The following SPOP variants were observed in gnomAD, a reference collection of about 807,000 sequenced individuals.
The protein encoded by SPOP is speckle type BTB/POZ protein.
Under a neutral mutation model 45.6 loss-of-function variants are expected in SPOP, and 11 were observed. That is an observed-to-expected ratio of 0.24 (90% confidence interval 0.15 to 0.40). SPOP has a LOEUF of 0.40. SPOP is among the 10% of genes least tolerant of loss of function. The pLI is 1.00. For missense variants in SPOP, 152 were observed against 465.6 expected, an observed-to-expected ratio of 0.33 and a Z score of 6.20; for synonymous variants, 166 against 166.3, an observed-to-expected ratio of 1.00 and a Z score of 0.01.
At chr17:49,623,070 G>A (rs1424427095) in intron 1 of SPOP, among the ~76,000 whole-genome samples, 194 bp from the exon 2 acceptor site, 3 of 151,496 alleles carry the variant, frequency 2.0e-5, no homozygotes, top group African/African-American at 4.9e-5. Flanking sequence ...GCAGTGGTGC[G>A]ATCTTGGCTC....
intron 1 of SPOP, among the ~76,000 whole-genome samples, chr17:49,676,543 A>G (rs760202449): frequency 3.3e-5 from 5 of 152,210 alleles, no homozygotes; most frequent in Non-Finnish European, 5.9e-5. Flanking sequence ...AATACAAACT[A>G]AAGAGAATTG....
At chr17:49,670,132 T>C (rs2073119001) in intron 1 of SPOP, among the ~76,000 whole-genome samples, 1 of 152,248 alleles carries the variant, frequency 6.6e-6, no homozygotes, top group Non-Finnish European at 1.5e-5. Context: ...TGACCAGCTC[T>C]GTCATAGAGT....
intron 1 of SPOP, among the ~76,000 whole-genome samples, chr17:49,637,967 C>A (rs990902356): frequency 6.6e-6 from 1 of 152,130 alleles, no homozygotes; most frequent in Non-Finnish European, 1.5e-5. Context: ...TCTCAGCCTC[C>A]TGAGTAGCTG....
chr17:49,603,440 T>C (rs2071776998), intron 8 of SPOP, among the ~76,000 whole-genome samples: 1 of 152,240 alleles, frequency 6.6e-6, no homozygotes, highest in African/African-American at 2.4e-5. Context: ...AAAGTAGCCA[T>C]TCTTGTCCCT....
intron 1 of SPOP, chr17:49,646,036 T>C (rs928071741): frequency 3.3e-5 from 5 of 152,224 alleles, no homozygotes; most frequent in Non-Finnish European, 7.3e-5. Flanking sequence ...GTACTAACCA[T>C]ATTTTGCTGC....
At chr17:49,654,242 C>A (rs1226755351) in intron 1 of SPOP, among the ~76,000 whole-genome samples, 1 of 152,128 alleles carries the variant, frequency 6.6e-6, no homozygotes, top group Non-Finnish European at 1.5e-5. Context: ...GACAACAATT[C>A]TTCAGGCATT....
chr17:49,625,777 C>A (rs1358674798), intron 1 of SPOP, among the ~76,000 whole-genome samples: 2 of 151,908 alleles, frequency 1.3e-5, no homozygotes, highest in African/African-American at 4.8e-5. Context: ...TAAAAAACAA[C>A]AACAACAACA....
chr17:49,647,345 T>C (rs575224327), intron 1 of SPOP, among the ~76,000 whole-genome samples: 1 of 134,408 alleles, frequency 7.4e-6, no homozygotes, highest in African/African-American at 2.8e-5. Flanking sequence ...AAAAAAAAAG[T>C]TCTTTTGTTC....
intron 1 of SPOP, among the ~76,000 whole-genome samples, chr17:49,676,524 A>G (rs2073201404): frequency 6.6e-6 from 1 of 152,238 alleles, no homozygotes; most frequent in South Asian, 2.1e-4. Flanking sequence ...TGAGAGAAGA[A>G]CATCAAAGAA....
At chr17:49,654,060 T>C (rs2143501655) in intron 1 of SPOP, among the ~76,000 whole-genome samples, 1 of 152,328 alleles carries the variant, frequency 6.6e-6, no homozygotes, top group African/African-American at 2.4e-5. Context: ...TAAATTCCTC[T>C]ACATATAATC....
chr17:49,657,017 TA>T (rs761748523), intron 1 of SPOP, among the ~76,000 whole-genome samples: 2 of 150,410 alleles, frequency 1.3e-5, no homozygotes, highest in Non-Finnish European at 1.5e-5. Context: ...CCGTCTCTAC[TA>T]AAAAAAAATA....
chr17:49,667,243 A>AAT, intron 1 of SPOP, among the ~76,000 whole-genome samples: 1 of 150,428 alleles, frequency 6.6e-6, no homozygotes, highest in East Asian at 1.9e-4. Context: ...CAAAAAAAAA[A>AAT]TTTTTTTTTA....
intron 6 of SPOP, 89 bp from the exon 7 acceptor site, chr17:49,608,018 AC>A: frequency 1.7e-6 from 2 of 1,168,560 alleles, no homozygotes; most frequent in Non-Finnish European, 2.5e-6. Context: ...TCATTTTCTA[AC>A]CTATCCTACT....
chr17:49,670,861 T>C (rs2073127106), intron 1 of SPOP, among the ~76,000 whole-genome samples: 1 of 152,156 alleles, frequency 6.6e-6, no homozygotes, highest in Non-Finnish European at 1.5e-5. Context: ...GATGAAAATC[T>C]AGTAATAAAA....
At chr17:49,646,069 A>C (rs1376826487) in intron 1 of SPOP, 1 of 152,248 alleles carries the variant, frequency 6.6e-6, no homozygotes, top group Non-Finnish European at 1.5e-5. Context: ...TATTATGGCT[A>C]GGAATAAAGC....
At chr17:49,653,926 T>C (rs566289971) in intron 1 of SPOP, among the ~76,000 whole-genome samples, 7 of 152,068 alleles carry the variant, frequency 4.6e-5, no homozygotes, top group Non-Finnish European at 4.4e-5. Flanking sequence ...TGAAAGAAGA[T>C]ACAGACAGAA....
intron 6 of SPOP, among the ~76,000 whole-genome samples, chr17:49,610,068 A>G (rs1211150763): frequency 6.6e-6 from 1 of 151,990 alleles, no homozygotes; most frequent in Non-Finnish European, 1.5e-5. Flanking sequence ...ATCTTTTAGG[A>G]GTTTGGAAGG....
chr17:49,628,014 C>T (rs1230737705), intron 1 of SPOP, among the ~76,000 whole-genome samples: 1 of 152,212 alleles, frequency 6.6e-6, no homozygotes. Flanking sequence ...TACATGAACT[C>T]TCTAGCACTT....
Position 49,611,429 on chromosome 17 carries a change from A to G in SPOP, c.509T>C (p.Ile170Thr). The change falls in exon 6 of 10, where the codon ATT becomes ACT. Residue 170 changes from isoleucine (I) to threonine (T), a missense_variant. Physicochemically the swap from Ile to Thr is moderately conservative, Grantham distance 89. This residue lies in a region of SPOP where 28 missense variants were observed against 176.8 expected (regional missense o/e 0.16). Coordinates refer to ENST00000504102, the MANE Select transcript of SPOP (RefSeq NM_001007228.2). ...CATGTTCATGGTATTCTGGCCAGAAATGTTGACAGAATCTTGCACAACACT... is the reference window on the plus strand; with the variant it reads ...CATGTTCATGGTATTCTGGCCAGAAGTGTTGACAGAATCTTGCACAACACT... Reference protein sequence around the residue: ...EVSVVQDSVNISGQNTMNMVK... With the variant: ...EVSVVQDSVNTSGQNTMNMVK... 1.2e-6 allele frequency: 2 copies of G among 1,614,186 alleles called. No individual in the cohort carries two copies. Among genetic ancestry groups the G allele is most frequent in the Non-Finnish European group, 1.7e-6 (2 of 1,180,024 alleles).
Sources: allele counts gnomAD v4.1 joint callset (sites outside exome capture counted in the v4.1 genomes callset), GRCh38; gene constraint gnomAD v4.1.1; regional missense constraint gnomAD v4.1.1; transcripts MANE v1.5; gene names NCBI Gene and HGNC (gene_info 2026-07-23, HGNC 2026-07-21).